CTBS: variants seen among roughly 807,000 people sequenced by gnomAD.
The protein encoded by CTBS is di-N-acetylchitobiase.
A neutral mutation model predicts 44.3 loss-of-function variants in CTBS; 35 were observed. The ratio of observed to expected loss-of-function variants is 0.79; its 90% CI spans 0.60 to 1.05. CTBS has a LOEUF of 1.05. Ranked by LOEUF, CTBS falls within the 50% of genes least tolerant of loss-of-function variation. CTBS has a pLI of 0.00. For synonymous variants in CTBS, 143 were observed against 168.0 expected (o/e 0.85, Z 1.15); for missense variants, 458 against 475.3 (o/e 0.96, Z 0.34).
In CTBS at chr1:84,570,515, G is replaced by A. The variant is rs1570476438; in HGVS notation, c.316+67C>T. On this transcript the variant is annotated intron_variant, in intron 2 of 6. Coordinates refer to ENST00000370630, the MANE Select transcript of CTBS (RefSeq NM_004388.3). ...CATAAAAGGACTTTTTTGGAAAGTCGGGACTATAGCAAGTGATACAGATAA... is the reference window on the plus strand; with the variant it reads ...CATAAAAGGACTTTTTTGGAAAGTCAGGACTATAGCAAGTGATACAGATAA... The A allele has an allele frequency of 7.1e-6, 10 of 1,412,054 alleles. 1 individual carries two copies. Among genetic ancestry groups the A allele is most frequent in the South Asian group, 2.8e-5 (2 of 72,628 alleles). 87.5% of individuals were successfully genotyped at this position (1,412,054 alleles called of 1,614,324 possible). A position where few individuals can be genotyped will look rare whatever the true frequency, so the allele number is the denominator to read the frequency against.
At chr1:84,568,281 A>G (rs937554376) in intron 3 of CTBS, among the ~76,000 whole-genome samples, 2 of 152,234 alleles carry the variant, frequency 1.3e-5, no homozygotes, top group African/African-American at 2.4e-5. Context: ...ATTCTAACCT[A>G]TTAGTAATCA....
intron 6 of CTBS, among the ~76,000 whole-genome samples, chr1:84,559,416 T>C (rs1238383065): frequency 6.6e-6 from 1 of 151,094 alleles, no homozygotes; most frequent in Non-Finnish European, 1.5e-5. Context: ...AAGTCAGGAG[T>C]TTCAAACCAG....
chr1:84,561,363 C>T (rs752970293), intron 6 of CTBS, among the ~76,000 whole-genome samples: 23 of 152,084 alleles, frequency 1.5e-4, no homozygotes, highest in Non-Finnish European at 2.8e-4. Context: ...GCTACAATCT[C>T]GTGATAAAAT....
chr1:84,569,953 T>C lies in CTBS; in HGVS notation c.503A>G (p.His168Arg), dbSNP rs1279659795. 1 of 1,608,988 alleles carries C rather than the reference T, an allele frequency of 6.2e-7. No homozygotes were observed. The highest frequency in any genetic ancestry group is 8.5e-7 in the Non-Finnish European group (1 of 1,179,016). Residue 168 changes from histidine to arginine, a missense_variant, in exon 3 of 7, where the codon CAT (histidine) becomes CGT (arginine). Physicochemically the swap from His to Arg is conservative, Grantham distance 29. Transcript: ENST00000370630. ...ALVKETTDSF[H>R]REIEGSQVTF... ...TACCTGTGATCCCTCAATTTCACGA[T>C]GGAAAGAGTCTGTAGTTTCTTTGAC...
chr1:84,571,387 T>A (rs1187365901), intron 1 of CTBS, among the ~76,000 whole-genome samples: 2 of 152,224 alleles, frequency 1.3e-5, no homozygotes, highest in Non-Finnish European at 2.9e-5. Context: ...AGAAGTCTGA[T>A]AATACTCAAG....
intron 6 of CTBS, 141 bp from the exon 7 acceptor site, chr1:84,555,340 G>A (rs1051146097): frequency 1.5e-5 from 9 of 590,126 alleles, no homozygotes; most frequent in African/African-American, 1.3e-4. Context: ...AGGATACAAT[G>A]AAATAAAAAT....
At chr1:84,565,081 T>C (rs1216621482) in intron 4 of CTBS, among the ~76,000 whole-genome samples, 3 of 151,748 alleles carry the variant, frequency 2.0e-5, no homozygotes, top group Admixed American at 2.0e-4. Flanking sequence ...CATGGTGGCA[T>C]GCACCCGTAG....
chr1:84,562,291 T>G (rs1684609868), intron 6 of CTBS, among the ~76,000 whole-genome samples: 1 of 152,218 alleles, frequency 6.6e-6, no homozygotes, highest in South Asian at 2.1e-4. Context: ...CAGGACAGAC[T>G]AATATAAACA....
In CTBS at chr1:84,553,628, T is replaced by A. The variant is rs1178957906; in HGVS notation, c.*1371A>T. The A allele has an allele frequency of 2.0e-5, 3 of 152,342 alleles. No homozygotes were observed. The highest frequency in any genetic ancestry group is 2.9e-5 in the Non-Finnish European group (2 of 68,072). The allele number at this position is 152,342 out of a possible 1,614,324, so 9.4% of individuals were successfully genotyped here. A position where few individuals can be genotyped will look rare whatever the true frequency, so the allele number is the denominator to read the frequency against. On this transcript the variant is annotated 3_prime_UTR_variant, in exon 7 of 7. Coordinates refer to ENST00000370630, the MANE Select transcript of CTBS (RefSeq NM_004388.3). ...TAAGCATCTAAGAATTTAAATTTTTTAATTCATTTATTTTAGAAATATGAA... is the reference window on the plus strand; with the variant it reads ...TAAGCATCTAAGAATTTAAATTTTTAAATTCATTTATTTTAGAAATATGAA...
At chr1:84,570,973 G>A (rs1307021496) in intron 1 of CTBS, among the ~76,000 whole-genome samples, 4 of 152,138 alleles carry the variant, frequency 2.6e-5, no homozygotes, top group South Asian at 2.1e-4. Flanking sequence ...TGGTGGTTGC[G>A]TAACTAAATA....
At position 84,566,017 on chromosome 1, in the gene CTBS, G is replaced by A; in HGVS notation, c.526-5C>T. ...CCAAGCTACATCAAAGGTTACCTGT[G>A]GAAAAAAATCTTACTATTTTATGTA... On this transcript the variant is annotated splice_polypyrimidine_tract_variant and splice_region_variant and intron_variant, in intron 3 of 6. Coordinates refer to ENST00000370630, the MANE Select transcript of CTBS (RefSeq NM_004388.3). 6.6e-7 allele frequency: 1 copy of A among 1,504,356 alleles called. No individual in the cohort carries two copies. The highest frequency in any genetic ancestry group is 8.9e-7 in the Non-Finnish European group (1 of 1,126,546). The allele number at this position is 1,504,356 out of a possible 1,614,324, so 93.2% of individuals were successfully genotyped here.
chr1:84,556,197 CAT>C (rs1043832143), intron 6 of CTBS, among the ~76,000 whole-genome samples: 4 of 151,958 alleles, frequency 2.6e-5, no homozygotes, highest in African/African-American at 9.7e-5. Flanking sequence ...TCAGGCAGCA[CAT>C]GAGCTATTGG....
intron 1 of CTBS, chr1:84,573,967 T>A: frequency 1.5e-6 from 2 of 1,345,530 alleles, no homozygotes; most frequent in Non-Finnish European, 1.9e-6. Flanking sequence ...AGCAGGGGAA[T>A]GAAAGGAGCT....
chr1:84,565,780 A>G (rs1349659068), intron 4 of CTBS, 61 bp downstream of exon 4: 5 of 947,968 alleles, frequency 5.3e-6, no homozygotes, highest in Non-Finnish European at 6.9e-6. Flanking sequence ...AAACATCTTA[A>G]TATTTTAATT....
At position 84,553,107 on chromosome 1, in the gene CTBS, C is replaced by G. The variant is rs778575925; in HGVS notation, c.*1892G>C. The G allele has an allele frequency of 1.3e-6, 2 of 1,503,552 alleles. No individual in the cohort carries two copies. Among genetic ancestry groups the G allele is most frequent in the Non-Finnish European group, 1.8e-6 (2 of 1,120,388 alleles). 93.1% of individuals were successfully genotyped at this position (1,503,552 alleles called of 1,614,324 possible). A position where few individuals can be genotyped will look rare whatever the true frequency, so the allele number is the denominator to read the frequency against. On this transcript the variant is annotated 3_prime_UTR_variant, in exon 7 of 7. Transcript: ENST00000370630. ...GGCACAGAAAAAAAAAATAATACAT[C>G]TCTACAATCTCAATTAGGTATGTTA...
chr1:84,570,784 C>G, intron 1 of CTBS, 64 bp from the exon 2 acceptor site: 1 of 1,516,070 alleles, frequency 6.6e-7, no homozygotes, highest in Non-Finnish European at 9.0e-7. Flanking sequence ...GTCCAAAATA[C>G]CGTTCATCAA....
chr1:84,572,851 G>A, intron 1 of CTBS, among the ~76,000 whole-genome samples: 1 of 151,968 alleles, frequency 6.6e-6, no homozygotes, highest in Non-Finnish European at 1.5e-5. Flanking sequence ...GCTAATTTTT[G>A]TATTTTTAGT....
chr1:84,563,439 A>C (rs1458600684), intron 5 of CTBS, 21 bp from the exon 6 acceptor site: 1 of 1,441,548 alleles, frequency 6.9e-7, no homozygotes, highest in Non-Finnish European at 9.1e-7. Flanking sequence ...AAAAGTGCTC[A>C]TGTTATATAT....
At position 84,553,506 on chromosome 1, in the gene CTBS, C is replaced by A. The variant is rs1684337628; in HGVS notation, c.*1493G>T. Reference sequence around the variant, plus strand: ...TATATTTGCATGAAAATACAGACTTCATTTAACTTAATTTGTTCATTATAT... The same window carrying A: ...TATATTTGCATGAAAATACAGACTTAATTTAACTTAATTTGTTCATTATAT... On this transcript the variant is annotated 3_prime_UTR_variant, in exon 7 of 7. Transcript: ENST00000370630. 6.6e-6 allele frequency: 1 copy of A among 152,106 alleles called. No homozygotes were observed. The highest frequency in any genetic ancestry group is 1.5e-5 in the Non-Finnish European group (1 of 68,116). 9.4% of individuals were successfully genotyped at this position (152,106 alleles called of 1,614,324 possible). A position where few individuals can be genotyped will look rare whatever the true frequency, so the allele number is the denominator to read the frequency against.
Sources: allele counts gnomAD v4.1 joint callset (sites outside exome capture counted in the v4.1 genomes callset), GRCh38; gene constraint gnomAD v4.1.1; transcripts MANE v1.5; gene names NCBI Gene and HGNC (gene_info 2026-07-23, HGNC 2026-07-21).